GALNT13: variants seen among roughly 807,000 people sequenced by gnomAD.
GALNT13 encodes the protein UDP-GalNAc:polypeptide N-acetylgalactosaminyltransferase 13.
GALNT13 carries 28 observed loss-of-function variants against 64.2 expected under a neutral mutation model. The ratio of observed to expected loss-of-function variants is 0.44; its 90% CI spans 0.32 to 0.60. The LOEUF (loss-of-function observed/expected upper bound fraction) is 0.60, where lower values mean the gene tolerates loss of function less well. GALNT13 is among the 20% of genes least tolerant of loss of function. GALNT13 has a pLI of 0.05. For missense variants in GALNT13, 577 were observed against 669.8 expected, an observed-to-expected ratio of 0.86 and a Z score of 1.53; for synonymous variants, 214 against 224.6, an observed-to-expected ratio of 0.95 and a Z score of 0.42.
chr2:153,533,335 TCTGCCCCCCAGGTTC>T, the GALNT13 span, among the ~76,000 whole-genome samples: 1 of 151,856 alleles, frequency 6.6e-6, no homozygotes, highest in African/African-American at 2.4e-5. Flanking sequence ...CACTGTAACC[TCTGCCCCCCAGGTTC>T]AAGCAATTCT....
chr2:153,938,288 C>G (rs149557633), intron 2 of GALNT13, among the ~76,000 whole-genome samples: 83 of 152,242 alleles, frequency 5.5e-4, no homozygotes, highest in Admixed American at 2.6e-3. Flanking sequence ...ATGCAAAATT[C>G]TCTTCTGATT....
chr2:153,177,633 G>C, the GALNT13 span, among the ~76,000 whole-genome samples: 1 of 151,762 alleles, frequency 6.6e-6, no homozygotes, highest in East Asian at 1.9e-4. Flanking sequence ...TATGTCAAAG[G>C]GATGTTATAA....
chr2:153,678,394 G>A, the GALNT13 span, among the ~76,000 whole-genome samples: 2 of 152,006 alleles, frequency 1.3e-5, no homozygotes, highest in Non-Finnish European at 2.9e-5. Context: ...GAATGGAGCT[G>A]GAGGCCATTA....
the GALNT13 span, among the ~76,000 whole-genome samples, chr2:153,815,869 A>G: frequency 1.3e-5 from 2 of 152,212 alleles, no homozygotes; most frequent in African/African-American, 2.4e-5. Context: ...GAAATTCTTC[A>G]TTCTAATACT....
chr2:153,662,498 C>G, the GALNT13 span, among the ~76,000 whole-genome samples: 5 of 152,256 alleles, frequency 3.3e-5, no homozygotes, highest in East Asian at 9.7e-4. Flanking sequence ...CTCTGGCAAT[C>G]AGGAAGTCAA....
At chr2:154,366,440 A>C (rs707036) in intron 9 of GALNT13, among the ~76,000 whole-genome samples, 50,041 of 152,028 alleles carry the variant, frequency 0.33, 8,464 homozygotes, top group South Asian at 0.39. Context: ...ACAGCCTCAG[A>C]CATAAGTCAT....
intron 4 of GALNT13, among the ~76,000 whole-genome samples, chr2:154,231,981 G>A (rs764424499): frequency 6.6e-6 from 1 of 151,640 alleles, no homozygotes; most frequent in Non-Finnish European, 1.5e-5. Context: ...TCACAACTCT[G>A]TGAGGTAGAT....
chr2:153,103,053 C>T, the GALNT13 span, among the ~76,000 whole-genome samples: 1 of 152,054 alleles, frequency 6.6e-6, no homozygotes, highest in Admixed American at 6.6e-5. Context: ...CTTGCACCTC[C>T]CTCCCCACCC....
chr2:153,795,394 A>G, the GALNT13 span, among the ~76,000 whole-genome samples: 1 of 152,164 alleles, frequency 6.6e-6, no homozygotes, highest in African/African-American at 2.4e-5. Context: ...GGACATTGTC[A>G]GTGGAGAAAA....
At chr2:153,378,613 C>T in the GALNT13 span, among the ~76,000 whole-genome samples, 1 of 152,126 alleles carries the variant, frequency 6.6e-6, no homozygotes, top group Non-Finnish European at 1.5e-5. Context: ...ACAGTGTCCA[C>T]TTTAAAGTGT....
chr2:154,029,595 A>G (rs1377564823), intron 3 of GALNT13, among the ~76,000 whole-genome samples: 4 of 152,176 alleles, frequency 2.6e-5, no homozygotes, highest in Non-Finnish European at 4.4e-5. Flanking sequence ...ATTTAAAGAC[A>G]TAAACACTAT....
chr2:154,175,990 A>G (rs1685624493), intron 4 of GALNT13, among the ~76,000 whole-genome samples: 2 of 152,080 alleles, frequency 1.3e-5, no homozygotes, highest in Admixed American at 1.3e-4. Context: ...TATGAATTCT[A>G]AACATGGACC....
chr2:153,473,650 G>GCT, the GALNT13 span, among the ~76,000 whole-genome samples: 1 of 152,226 alleles, frequency 6.6e-6, no homozygotes, highest in African/African-American at 2.4e-5. Flanking sequence ...TGCTTCCACA[G>GCT]GCTTTCAAAT....
chr2:153,481,135 C>T, the GALNT13 span, among the ~76,000 whole-genome samples: 1 of 152,104 alleles, frequency 6.6e-6, no homozygotes, highest in Non-Finnish European at 1.5e-5. Flanking sequence ...TAGTTCAGCT[C>T]TCTGGTTTTG....
intron 4 of GALNT13, among the ~76,000 whole-genome samples, chr2:154,167,190 G>A (rs1443317804): frequency 6.6e-6 from 1 of 152,058 alleles, no homozygotes; most frequent in Non-Finnish European, 1.5e-5. Context: ...GGCCTATCAG[G>A]TTCCAGGAAT....
At chr2:154,236,039 T>C in intron 4 of GALNT13, 1 of 1,244,456 alleles carries the variant, frequency 8.0e-7, no homozygotes, top group Non-Finnish European at 1.1e-6. Context: ...TATTTATAAA[T>C]CAACAGCTAA....
the GALNT13 span, among the ~76,000 whole-genome samples, chr2:153,345,716 T>TCCTTCCTTC: frequency 4.6e-3 from 365 of 79,260 alleles, 1 homozygote; most frequent in Non-Finnish European, 7.0e-3. Flanking sequence ...TTTCTCTCTT[T>TCCTTCCTTC]CTGTCCTTCC....
chr2:154,176,112 C>T (rs1036795923), intron 4 of GALNT13, among the ~76,000 whole-genome samples: 1 of 152,016 alleles, frequency 6.6e-6, no homozygotes, highest in African/African-American at 2.4e-5. Context: ...AATATACACA[C>T]AGACACAAAA....
At chr2:153,204,920 G>A in the GALNT13 span, among the ~76,000 whole-genome samples, 1 of 152,180 alleles carries the variant, frequency 6.6e-6, no homozygotes, top group African/African-American at 2.4e-5. Flanking sequence ...TTTAACTACT[G>A]TATCTTGTTG....
Sources: gnomAD v4.1 joint callset for allele counts (sites outside exome capture counted in the v4.1 genomes callset) on GRCh38, gnomAD v4.1.1 for gene constraint, MANE v1.5 for transcripts, NCBI Gene and HGNC (gene_info 2026-07-23, HGNC 2026-07-21) for gene names.